IFNG-AS1: variants seen among roughly 807,000 people sequenced by gnomAD.
IFNG-AS1 encodes IFNG antisense RNA 1 (non-protein coding).
intron 2 of IFNG-AS1, among the ~76,000 whole-genome samples, chr12:67,999,347 A>T (rs1040252097): frequency 4.6e-5 from 7 of 152,200 alleles, no homozygotes; most frequent in Non-Finnish European, 7.4e-5. Context: ...TGCTTTCTAG[A>T]TGACATTATT....
At chr12:68,004,084 A>C (rs1328551719) in intron 2 of IFNG-AS1, among the ~76,000 whole-genome samples, 2 of 151,984 alleles carry the variant, frequency 1.3e-5, no homozygotes, top group African/African-American at 4.8e-5. Flanking sequence ...CTCACACCTG[A>C]GTGGGCTTGG....
chr12:68,020,581 TA>T (rs1592832484), intron 4 of IFNG-AS1: 1 of 152,170 alleles, frequency 6.6e-6, no homozygotes, highest in East Asian at 1.9e-4. Context: ...AACTGCCACA[TA>T]AAATTTCAGA....
At chr12:67,990,059 T>C (rs1002326747) in intron 1 of IFNG-AS1, among the ~76,000 whole-genome samples, 1 of 152,222 alleles carries the variant, frequency 6.6e-6, no homozygotes, top group Non-Finnish European at 1.5e-5. Flanking sequence ...GTGAGTGCCA[T>C]GTCACATATC....
chr12:68,000,988 C>T (rs1471064811), intron 2 of IFNG-AS1, among the ~76,000 whole-genome samples: 1 of 152,144 alleles, frequency 6.6e-6, no homozygotes, highest in Non-Finnish European at 1.5e-5. Flanking sequence ...GGCCTGGCAT[C>T]CTTACTCTAT....
chr12:67,997,814 T>TA (rs1216720989), intron 2 of IFNG-AS1, among the ~76,000 whole-genome samples: 1 of 151,872 alleles, frequency 6.6e-6, no homozygotes, highest in Non-Finnish European at 1.5e-5. Context: ...GAAGGGATTT[T>TA]AAAAAAATAT....
intron 2 of IFNG-AS1, chr12:67,996,088 T>C (rs1053425355): frequency 3.3e-5 from 5 of 152,180 alleles, no homozygotes; most frequent in African/African-American, 1.2e-4. Flanking sequence ...GAAAACAATA[T>C]TTATTCATTA....
intron 1 of IFNG-AS1, chr12:67,989,589 T>C (rs1879455684): frequency 6.6e-6 from 1 of 152,168 alleles, no homozygotes; most frequent in South Asian, 2.1e-4. Flanking sequence ...GGTGAGAACA[T>C]TTTTCATGAA....
intron 2 of IFNG-AS1, among the ~76,000 whole-genome samples, chr12:67,996,630 G>T (rs1879647868): frequency 6.6e-6 from 1 of 152,138 alleles, no homozygotes; most frequent in South Asian, 2.1e-4. Flanking sequence ...GACAAAGAAG[G>T]ATGGAGAATG....
exon 2 of IFNG-AS1, chr12:67,995,990 A>C (rs1879633391): frequency 1.3e-5 from 2 of 152,224 alleles, no homozygotes; most frequent in Non-Finnish European, 2.9e-5. Context: ...GGCAATCTTA[A>C]GGATACAGAA....
chr12:68,000,039 G>A (rs1276934134), intron 2 of IFNG-AS1, among the ~76,000 whole-genome samples: 1 of 152,110 alleles, frequency 6.6e-6, no homozygotes, highest in East Asian at 1.9e-4. Context: ...CTGGATCTTG[G>A]CTATAAAATA....
chr12:68,007,711 C>A (rs1467152595), intron 3 of IFNG-AS1, among the ~76,000 whole-genome samples: 3 of 152,112 alleles, frequency 2.0e-5, no homozygotes, highest in Non-Finnish European at 4.4e-5. Context: ...CAATGCAAAA[C>A]CTCTATATTT....
chr12:68,018,264 T>C (rs1469790606), intron 3 of IFNG-AS1, among the ~76,000 whole-genome samples: 1 of 152,144 alleles, frequency 6.6e-6, no homozygotes, highest in Non-Finnish European at 1.5e-5. Context: ...GCTGATCTTG[T>C]CTTATACAAA....
intron 3 of IFNG-AS1, among the ~76,000 whole-genome samples, chr12:68,011,022 G>A (rs1251538044): frequency 6.6e-6 from 1 of 152,166 alleles, no homozygotes; most frequent in Non-Finnish European, 1.5e-5. Flanking sequence ...GTTTTTAGAT[G>A]AGAAAACAGG....
rs181809814 is a variant in IFNG-AS1, at chr12:68,018,247, G to A, written n.242-1615G>A. On this transcript the variant is annotated intron_variant and non_coding_transcript_variant, in intron 3 of 5. Transcript: ENST00000536914. ...CTTCTGAACAAGACTTAGAACTTTT[G>A]GAGGTTGCTGATCTTGTCTTATACA... 1.2e-3 allele frequency among the ~76,000 whole-genome samples: 175 copies of A among 152,148 alleles called. 1 individual carries two copies. The highest frequency in any genetic ancestry group is 0.01 in the Admixed American group (154 of 15,274).
At chr12:68,009,840 A>G (rs546650388) in intron 3 of IFNG-AS1, among the ~76,000 whole-genome samples, 1 of 152,306 alleles carries the variant, frequency 6.6e-6, no homozygotes, top group Admixed American at 6.5e-5. Flanking sequence ...AGCAGTACTC[A>G]CTGTGGTCAG....
intron 2 of IFNG-AS1, among the ~76,000 whole-genome samples, chr12:68,005,228 C>T (rs1319629709): frequency 1.3e-5 from 2 of 152,194 alleles, no homozygotes; most frequent in African/African-American, 4.8e-5. Context: ...CTCTGTGTCC[C>T]TCTTGAAACC....
At chr12:67,989,500 AG>A (rs1879452840), upstream of IFNG-AS1, 1 of 152,260 alleles carries the variant, frequency 6.6e-6, no homozygotes, top group Non-Finnish European at 1.5e-5. Context: ...ATACCTTCAG[AG>A]AAATGCCAGC....
intron 1 of IFNG-AS1, among the ~76,000 whole-genome samples, chr12:67,993,760 C>T (rs1879571121): frequency 6.6e-6 from 1 of 152,148 alleles, no homozygotes; most frequent in Admixed American, 6.5e-5. Flanking sequence ...AGTATGGAGG[C>T]TTGATAAAGA....
chr12:67,994,264 G>C (rs1444235762), intron 1 of IFNG-AS1, among the ~76,000 whole-genome samples: 3 of 152,178 alleles, frequency 2.0e-5, no homozygotes, highest in Admixed American at 6.5e-5. Flanking sequence ...AGCTATAACA[G>C]AGAATGAGTT....
Sources: allele counts gnomAD v4.1 joint callset (sites outside exome capture counted in the v4.1 genomes callset), GRCh38; gene constraint gnomAD v4.1.1; transcripts MANE v1.5; gene names NCBI Gene and HGNC (gene_info 2026-07-23, HGNC 2026-07-21).